Variants in CTNNA2 observed in about 807,000 individuals in gnomAD.
CTNNA2 encodes catenin alpha 2, also known as catenin alpha-2.
A neutral mutation model predicts 101.0 loss-of-function variants in CTNNA2; 42 were observed. The ratio of observed to expected loss-of-function variants is 0.42; its 90% CI spans 0.32 to 0.54. CTNNA2 has a LOEUF of 0.54. Among genes scored for constraint, CTNNA2 ranks in the 20% least tolerant of loss-of-function variants. The pLI is 0.14. For missense variants in CTNNA2, 871 were observed against 1,223.1 expected (o/e 0.71, Z 4.29); for synonymous variants, 450 against 456.4 (o/e 0.99, Z 0.18).
chr2:80,385,996 T>TG (rs1343987026), intron 7 of CTNNA2, among the ~76,000 whole-genome samples: 2 of 152,164 alleles, frequency 1.3e-5, no homozygotes, highest in South Asian at 4.1e-4. Context: ...GATGGGTTGA[T>TG]GGGGGGATGA....
intron 4 of CTNNA2, among the ~76,000 whole-genome samples, chr2:79,491,496 A>T (rs1671207057): frequency 6.6e-6 from 1 of 152,236 alleles, no homozygotes; most frequent in African/African-American, 2.4e-5. Context: ...TATGTTAAGC[A>T]TAAAGGGATT....
chr2:79,502,264 A>G (rs945550324), intron 4 of CTNNA2, among the ~76,000 whole-genome samples: 1 of 152,202 alleles, frequency 6.6e-6, no homozygotes, highest in Admixed American at 6.5e-5. Flanking sequence ...AAAGATTTAC[A>G]GAGATTCTTT....
chr2:80,059,526 T>C (rs1306806756), intron 7 of CTNNA2, among the ~76,000 whole-genome samples: 1 of 152,192 alleles, frequency 6.6e-6, no homozygotes, highest in Non-Finnish European at 1.5e-5. Context: ...TTCAAGCATG[T>C]CAAGGAATAT....
At chr2:79,695,804 T>G (rs1684617413) in intron 2 of CTNNA2, among the ~76,000 whole-genome samples, 1 of 151,996 alleles carries the variant, frequency 6.6e-6, no homozygotes, top group African/African-American at 2.4e-5. Context: ...CCTGCTATCT[T>G]GTCTTGGCTG....
At chr2:79,355,739 T>A (rs1677495074) in intron 3 of CTNNA2, among the ~76,000 whole-genome samples, 1 of 152,184 alleles carries the variant, frequency 6.6e-6, no homozygotes, top group South Asian at 2.1e-4. Flanking sequence ...GGCATAATGT[T>A]TTCTAGGTTA....
chr2:79,218,473 G>A (rs890626108), intron 2 of CTNNA2, among the ~76,000 whole-genome samples: 1 of 151,994 alleles, frequency 6.6e-6, no homozygotes, highest in Non-Finnish European at 1.5e-5. Context: ...GTGAGCCACT[G>A]CACACAGCTT....
intron 9 of CTNNA2, among the ~76,000 whole-genome samples, chr2:80,526,721 A>T (rs1690071947): frequency 6.6e-6 from 1 of 152,196 alleles, no homozygotes; most frequent in Non-Finnish European, 1.5e-5. Flanking sequence ...AAACAAAAAA[A>T]GATAGAGCTT....
At chr2:79,777,666 C>CCAAAA (rs945902643) in intron 3 of CTNNA2, among the ~76,000 whole-genome samples, 1 of 152,064 alleles carries the variant, frequency 6.6e-6, no homozygotes, top group Non-Finnish European at 1.5e-5. Flanking sequence ...ACCCATCTTA[C>CCAAAA]CAAAACAAAA....
chr2:79,865,254 T>A (rs1271574693), intron 4 of CTNNA2, among the ~76,000 whole-genome samples: 1 of 152,220 alleles, frequency 6.6e-6, no homozygotes, highest in Non-Finnish European at 1.5e-5. Context: ...ATATAAAGTA[T>A]GATAATGCTG....
intron 9 of CTNNA2, among the ~76,000 whole-genome samples, chr2:80,459,053 A>G (rs930867486): frequency 6.6e-6 from 1 of 152,230 alleles, no homozygotes; most frequent in African/African-American, 2.4e-5. Context: ...AACTGCCTAC[A>G]GTATTCAATA....
chr2:79,237,048 C>A lies in CTNNA2; in HGVS notation c.-406+38972C>A, dbSNP rs558957058. ...TGGTGAATATTTTCCAGTAGACTTT[C>A]AATTTAGTTTGCCTAGATCCATCAG... On this transcript the variant is annotated intron_variant, in intron 2 of 21. Coordinates refer to the CTNNA2 transcript ENST00000466387. Among the ~76,000 whole-genome samples, 83 of 152,286 alleles carry A rather than the reference C, an allele frequency of 5.5e-4. No homozygotes were observed. The South Asian group carries it at 0.011, about 21-fold the overall frequency.
intron 3 of CTNNA2, among the ~76,000 whole-genome samples, chr2:79,358,204 CT>C (rs1244351658): frequency 3.9e-3 from 556 of 141,878 alleles, no homozygotes; most frequent in Middle Eastern, 0.011. Context: ...TCTTTTTCTT[CT>C]TTTTTTTTTT....
At chr2:79,477,510 T>A (rs1370056472) in intron 4 of CTNNA2, among the ~76,000 whole-genome samples, 3 of 152,154 alleles carry the variant, frequency 2.0e-5, no homozygotes, top group Non-Finnish European at 4.4e-5. Context: ...CCTCCCTGAT[T>A]TCTGATTTCT....
intron 4 of CTNNA2, among the ~76,000 whole-genome samples, chr2:79,453,787 A>T (rs1452072470): frequency 6.6e-6 from 1 of 152,150 alleles, no homozygotes; most frequent in African/African-American, 2.4e-5. Context: ...TCATCAGATT[A>T]TTGGTGCAGT....
At chr2:80,553,235 T>A (rs57536108) in intron 11 of CTNNA2, among the ~76,000 whole-genome samples, 14,079 of 97,306 alleles carry the variant, frequency 0.14, 1,445 homozygotes, top group East Asian at 0.33. Context: ...AAAAAAAAAA[T>A]AAAATAAAAT....
chr2:79,686,567 C>T (rs1233255505), intron 2 of CTNNA2, among the ~76,000 whole-genome samples: 1 of 151,948 alleles, frequency 6.6e-6, no homozygotes, highest in East Asian at 1.9e-4. Flanking sequence ...AATCATTCTA[C>T]AGTGACATAA....
chr2:80,128,701 A>G (rs761397727), intron 7 of CTNNA2, among the ~76,000 whole-genome samples: 12 of 152,138 alleles, frequency 7.9e-5, no homozygotes, highest in Non-Finnish European at 1.2e-4. Flanking sequence ...TTTCTTCTCT[A>G]TAAGCTCAGG....
At chr2:80,047,859 G>T (rs1009961323) in intron 7 of CTNNA2, among the ~76,000 whole-genome samples, 4 of 152,042 alleles carry the variant, frequency 2.6e-5, no homozygotes, top group African/African-American at 9.7e-5. Flanking sequence ...GAAACGTGAG[G>T]GACAACAACC....
At chr2:79,322,632 T>C (rs1445969890) in intron 3 of CTNNA2, among the ~76,000 whole-genome samples, 2 of 152,230 alleles carry the variant, frequency 1.3e-5, no homozygotes, top group Non-Finnish European at 2.9e-5. Context: ...ACACAGAGCA[T>C]ATTCTCATCC....
Sources: gnomAD v4.1 joint callset for allele counts (sites outside exome capture counted in the v4.1 genomes callset) on GRCh38, gnomAD v4.1.1 for gene constraint, MANE v1.5 for transcripts, NCBI Gene and HGNC (gene_info 2026-07-23, HGNC 2026-07-21) for gene names.